The following AKAP7 variants were observed in gnomAD, a reference collection of about 807,000 sequenced individuals.
AKAP7 encodes the protein A kinase (PRKA) anchor protein 7.
AKAP7 carries 39 observed loss-of-function variants against 39.5 expected under a neutral mutation model. The observed-to-expected ratio is 0.99, with a 90% CI of 0.76 to 1.29. The LOEUF is 1.29. Ranked by LOEUF, AKAP7 falls within the 50% of genes most tolerant of loss-of-function variation. The pLI is 0.00. For missense variants in AKAP7, 414 were observed against 407.7 expected (o/e 1.02, Z -0.13); for synonymous variants, 140 against 139.1 (o/e 1.01, Z -0.05).
chr6:131,215,289 G>C (rs908147397), intron 6 of AKAP7, among the ~76,000 whole-genome samples: 6 of 152,254 alleles, frequency 3.9e-5, no homozygotes, highest in African/African-American at 1.4e-4. Flanking sequence ...GCAGAGCCCA[G>C]CCACATAGAC....
chr6:131,249,598 G>A (rs1379453518), intron 7 of AKAP7, among the ~76,000 whole-genome samples: 1 of 152,094 alleles, frequency 6.6e-6, no homozygotes, highest in Admixed American at 6.5e-5. Flanking sequence ...TTCCTAGAGT[G>A]TCATAAACTA....
chr6:131,188,286 A>G (rs915253614), intron 5 of AKAP7, among the ~76,000 whole-genome samples: 9 of 152,248 alleles, frequency 5.9e-5, no homozygotes, highest in African/African-American at 1.9e-4. Flanking sequence ...CTGTTTAAGC[A>G]GTATGTGGAT....
chr6:131,279,842 A>G (rs2128340323), intron 7 of AKAP7, among the ~76,000 whole-genome samples: 1 of 152,328 alleles, frequency 6.6e-6, no homozygotes, highest in Non-Finnish European at 1.5e-5. Flanking sequence ...AGGGTACTTA[A>G]AAAGTATTCC....
intron 5 of AKAP7, among the ~76,000 whole-genome samples, chr6:131,195,916 T>C (rs944619382): frequency 1.3e-5 from 2 of 152,154 alleles, no homozygotes; most frequent in Non-Finnish European, 2.9e-5. Flanking sequence ...TAAATGCCTT[T>C]AGGTAGTCTT....
At chr6:131,188,256 T>C (rs758134624) in intron 5 of AKAP7, among the ~76,000 whole-genome samples, 23 of 152,182 alleles carry the variant, frequency 1.5e-4, no homozygotes, top group Non-Finnish European at 2.9e-4. Flanking sequence ...AGTGACTTGC[T>C]AAGACTGTCT....
intron 7 of AKAP7, among the ~76,000 whole-genome samples, chr6:131,232,395 GAATT>G (rs1245202058): frequency 2.0e-5 from 3 of 152,242 alleles, no homozygotes; most frequent in African/African-American, 7.2e-5. Context: ...ACATAATAAT[GAATT>G]AATAGTTGCC....
intron 7 of AKAP7, chr6:131,252,971 A>G (rs1812556090): frequency 6.4e-7 from 1 of 1,556,856 alleles, no homozygotes; most frequent in Non-Finnish European, 8.8e-7. Context: ...GGTAGCCCAA[A>G]TTATGGAGAA....
Position 131,247,270 on chromosome 6 carries a change from T to C in AKAP7, c.850+27462T>C, listed in dbSNP as rs1397732299. On this transcript the variant is annotated intron_variant, in intron 7 of 7. Transcript: ENST00000431975. ...GATAGTTAATGACACATTTCATATG[T>C]ATATATATATATATATATATATATA... is the stretch of plus-strand genomic sequence containing the variant. 6.6e-3 allele frequency among the ~76,000 whole-genome samples: 13 copies of C among 1,962 alleles called. No homozygotes were observed. In the South Asian group the frequency reaches 0.14, roughly 21 times the overall value. The allele number at this position is 1,962 out of a possible 152,430, so 1.3% of individuals were successfully genotyped here. A position where few individuals can be genotyped will look rare whatever the true frequency, so the allele number is the denominator to read the frequency against.
intron 5 of AKAP7, among the ~76,000 whole-genome samples, chr6:131,176,900 C>T (rs1804639573): frequency 6.6e-6 from 1 of 152,170 alleles, no homozygotes; most frequent in Non-Finnish European, 1.5e-5. Context: ...GTAAAAATAA[C>T]TTAGCCACAC....
At chr6:131,253,084 G>GAT in intron 7 of AKAP7, 1 of 1,613,446 alleles carries the variant, frequency 6.2e-7, no homozygotes, top group Non-Finnish European at 8.5e-7. Context: ...ATACAGCAAG[G>GAT]ATATACCCAG....
intron 7 of AKAP7, among the ~76,000 whole-genome samples, chr6:131,263,095 CAGTG>C (rs1813490960): frequency 6.6e-6 from 1 of 152,152 alleles, no homozygotes; most frequent in Admixed American, 6.5e-5. Context: ...AGAGCCAAGG[CAGTG>C]AGAGGATAGA....
upstream of AKAP7, among the ~76,000 whole-genome samples, chr6:131,132,270 G>A (rs1800345371): frequency 6.6e-6 from 1 of 150,880 alleles, no homozygotes. Flanking sequence ...CCGAGATTGC[G>A]CCACCGCACT....
At chr6:131,227,532 A>G (rs185956988) in intron 7 of AKAP7, among the ~76,000 whole-genome samples, 2 of 152,384 alleles carry the variant, frequency 1.3e-5, no homozygotes, top group Admixed American at 1.3e-4. Context: ...TTAATACTCA[A>G]CAACACAGGA....
chr6:131,155,518 T>A (rs1802341088), intron 2 of AKAP7, among the ~76,000 whole-genome samples: 1 of 152,234 alleles, frequency 6.6e-6, no homozygotes, highest in African/African-American at 2.4e-5. Flanking sequence ...TTGTTAAGCA[T>A]TTTGAAATGG....
intron 5 of AKAP7, among the ~76,000 whole-genome samples, chr6:131,178,848 A>G (rs1332592623): frequency 1.3e-5 from 2 of 152,202 alleles, no homozygotes; most frequent in East Asian, 3.9e-4. Context: ...GTAGCCCACA[A>G]TATCCTCCAT....
intron 7 of AKAP7, 66 bp downstream of exon 7, chr6:131,219,874 G>T: frequency 1.8e-6 from 2 of 1,127,174 alleles, no homozygotes; most frequent in Non-Finnish European, 2.4e-6. Context: ...CTTTTATCTT[G>T]GCAAATATTT....
chr6:131,239,603 T>G (rs527964194), intron 7 of AKAP7, among the ~76,000 whole-genome samples: 1 of 152,318 alleles, frequency 6.6e-6, no homozygotes, highest in East Asian at 1.9e-4. Context: ...GCTTTGTTTG[T>G]TTCTTTTTAT....
At chr6:131,239,381 G>T (rs1220662573) in intron 7 of AKAP7, among the ~76,000 whole-genome samples, 1 of 152,090 alleles carries the variant, frequency 6.6e-6, no homozygotes, top group African/African-American at 2.4e-5. Context: ...TGATAATTAT[G>T]TTTCTTGGAG....
At chr6:131,259,491 A>G (rs1414514734) in intron 7 of AKAP7, among the ~76,000 whole-genome samples, 1 of 152,196 alleles carries the variant, frequency 6.6e-6, no homozygotes, top group African/African-American at 2.4e-5. Context: ...AAGCAAAAGA[A>G]GAGTTGTTTT....
Sources: gnomAD v4.1 joint callset for allele counts (sites outside exome capture counted in the v4.1 genomes callset) on GRCh38, gnomAD v4.1.1 for gene constraint, MANE v1.5 for transcripts, NCBI Gene and HGNC (gene_info 2026-07-23, HGNC 2026-07-21) for gene names.